Variants in ARHGAP27 observed in about 807,000 individuals in gnomAD.
ARHGAP27 encodes rho GTPase-activating protein 27.
In ARHGAP27, 53 loss-of-function variants were observed where a neutral mutation model predicts 102.0. The observed-to-expected ratio is 0.52, with a 90% CI of 0.42 to 0.65. The LOEUF (loss-of-function observed/expected upper bound fraction) is 0.65. ARHGAP27 is among the 30% of genes least tolerant of loss of function. ARHGAP27 has a pLI of 0.00. For synonymous variants in ARHGAP27, 525 were observed against 542.8 expected (o/e 0.97, Z 0.46); for missense variants, 1,117 against 1,256.2 (o/e 0.89, Z 1.68).
In ARHGAP27 at chr17:45,429,585, C is replaced by T. The variant is rs1450117737; in HGVS notation, c.657+38G>A. On this transcript the variant is annotated intron_variant, in intron 4 of 19. Coordinates refer to ENST00000685559, the MANE Select transcript of ARHGAP27 (RefSeq NM_001282290.2). ...CTCCGTGCGGGCGCGGTCCCTAGCGCGCCACCCGCCTCCGCGCCCCAGCGC... is the reference window on the plus strand; with the variant it reads ...CTCCGTGCGGGCGCGGTCCCTAGCGTGCCACCCGCCTCCGCGCCCCAGCGC... The T allele has an allele frequency of 3.2e-5, 51 of 1,576,166 alleles. No individual in the cohort carries two copies. Among genetic ancestry groups the T allele is most frequent in the Non-Finnish European group, 4.2e-5 (49 of 1,163,336 alleles).
rs773861287 is a variant in ARHGAP27 at position 45,396,930 on chromosome 17, G to T, written c.1937C>A (p.Ala646Glu). The T allele has an allele frequency of 6.2e-7, 1 of 1,606,312 alleles. No homozygotes were observed. Residue 646 changes from alanine to glutamate, a missense_variant, in exon 14 of 20, where the codon GCG (alanine) becomes GAG (glutamate). Coordinates refer to ENST00000685559, the MANE Select transcript of ARHGAP27 (RefSeq NM_001282290.2). Reference protein sequence around the residue: ...LGSWQEKEEDARPNAAAPALG... With the variant: ...LGSWQEKEEDERPNAAAPALG... ...CTTGCGCACACCTGCATTCGGTCGC[G>T]CGTCCTCCTCTTTCTCCTGCCAGCT...
At chr17:45,410,533 C>T (rs994582300) in intron 4 of ARHGAP27, 4 of 901,932 alleles carry the variant, frequency 4.4e-6, no homozygotes, top group Non-Finnish European at 6.1e-6. Context: ...CTGGCTGCCC[C>T]ACTCAGTGCT....
At chr17:45,396,457 C>G in intron 16 of ARHGAP27, 30 bp downstream of exon 16, 1 of 1,503,904 alleles carries the variant, frequency 6.6e-7, no homozygotes, top group Non-Finnish European at 8.8e-7. Flanking sequence ...ACCCCAATGC[C>G]TGCCGCCCTC....
At position 45,429,953 on chromosome 17, in the gene ARHGAP27, G is replaced by T; in HGVS notation, c.327C>A (p.Ala109=). The T allele has an allele frequency of 8.8e-7, 1 of 1,131,360 alleles. No individual in the cohort carries two copies. Among genetic ancestry groups the T allele is most frequent in the Non-Finnish European group, 1.1e-6 (1 of 925,478 alleles). The allele number at this position is 1,131,360 out of a possible 1,614,324, so 70.1% of individuals were successfully genotyped here. A position where few individuals can be genotyped will look rare whatever the true frequency, so the allele number is the denominator to read the frequency against. Residue 109 remains alanine, a synonymous_variant, in exon 4 of 20, where the codon GCC becomes GCA. Transcript: ENST00000685559. The part of the protein sequence containing the change: ...SAAATAGPDG[A]PEESGGRASS... ...TGGCTCGGCCTCCGGACTCCTCGGG[G>T]GCGCCGTCGGGGCCCGCGGTCGCCG...
At position 45,404,064 on chromosome 17, in the gene ARHGAP27, A is replaced by G. The variant is rs765625234; in HGVS notation, c.1512T>C (p.His504=). The G allele has an allele frequency of 6.2e-7, 1 of 1,613,990 alleles. No homozygotes were observed. Among genetic ancestry groups the G allele is most frequent in the African/African-American group, 1.3e-5 (1 of 74,890 alleles). Residue 504 remains histidine (H), a synonymous_variant, in exon 10 of 20, where the codon CAT becomes CAC. Transcript: ENST00000685559. ...TTCCCTTGTCTGCCGTCTTGGTGCG[A>G]TGGAGCACCCCTGCCTTGTCCAAGG... is the stretch of plus-strand genomic sequence containing the variant. ...TKTLDKAGVL[H]RTKTADKGKR...
Position 45,395,389 on chromosome 17 carries a change from T to A in ARHGAP27, c.*67A>T, listed in dbSNP as rs1597745991. 6.7e-7 allele frequency: 1 copy of A among 1,494,476 alleles called. No individual in the cohort carries two copies. Among genetic ancestry groups the A allele is most frequent in the East Asian group, 2.5e-5 (1 of 40,440 alleles). 92.6% of individuals were successfully genotyped at this position (1,494,476 alleles called of 1,614,324 possible). ...GGTCCCAGAGAGAAGAAGGCCCGGC[T>A]GCGTGGCCTCCGCCGCCCAGCTTGT... is the stretch of plus-strand genomic sequence containing the variant. On this transcript the variant is annotated 3_prime_UTR_variant, in exon 20 of 20. Transcript: ENST00000685559.
At chr17:45,422,508 C>CA (rs925291316) in intron 4 of ARHGAP27, among the ~76,000 whole-genome samples, 3 of 150,692 alleles carry the variant, frequency 2.0e-5, no homozygotes, top group African/African-American at 4.9e-5. Context: ...TAAGCAAGTA[C>CA]AAAAAAAAGA....
intron 4 of ARHGAP27, among the ~76,000 whole-genome samples, chr17:45,423,264 G>T (rs371646502): frequency 6.6e-6 from 1 of 152,136 alleles, no homozygotes. Context: ...TGGTCACAAA[G>T]AAATTCATAA....
rs1243643081 is a variant in ARHGAP27, at chr17:45,431,708, C to T, written c.-106G>A. On this transcript the variant is annotated 5_prime_UTR_variant, in exon 3 of 20. Coordinates refer to ENST00000685559, the MANE Select transcript of ARHGAP27 (RefSeq NM_001282290.2). The stretch of plus-strand genomic sequence containing the variant: ...GTTAGGCCCCTACCATCGCCCTGGG[C>T]GGGGTTTCCAGGGGCGAGGCCGGAG... The T allele has an allele frequency of 2.4e-5, 4 of 168,398 alleles. No homozygotes were observed. The highest frequency in any genetic ancestry group is 6.5e-5 in the Admixed American group (1 of 15,484). 10.4% of individuals were successfully genotyped at this position (168,398 alleles called of 1,614,324 possible).
intron 4 of ARHGAP27, among the ~76,000 whole-genome samples, chr17:45,426,695 C>A (rs1195959855): frequency 1.3e-5 from 2 of 152,064 alleles, no homozygotes; most frequent in Non-Finnish European, 2.9e-5. Context: ...CCTGCCCACC[C>A]ACCTGAGCCT....
intron 4 of ARHGAP27, chr17:45,429,302 C>T: frequency 5.7e-6 from 5 of 873,976 alleles, no homozygotes; most frequent in South Asian, 2.4e-5. Flanking sequence ...TGCAGCGAAA[C>T]ATGAATATTC....
intron 12 of ARHGAP27, among the ~76,000 whole-genome samples, chr17:45,399,339 T>A (rs1304827689): frequency 6.6e-6 from 1 of 152,138 alleles, no homozygotes; most frequent in African/African-American, 2.4e-5. Context: ...ATGCCTGTAA[T>A]CCCAGCACTT....
At chr17:45,410,967 T>C in intron 4 of ARHGAP27, among the ~76,000 whole-genome samples, 1 of 152,092 alleles carries the variant, frequency 6.6e-6, no homozygotes, top group East Asian at 1.9e-4. Flanking sequence ...CCTGACCACC[T>C]GGGTCTGTCT....
At chr17:45,429,428 A>C in intron 4 of ARHGAP27, 195 bp downstream of exon 4, 1 of 1,404,764 alleles carries the variant, frequency 7.1e-7, no homozygotes, top group Non-Finnish European at 9.2e-7. Flanking sequence ...GAGCTTGGGA[A>C]TTGCTGATGA....
chr17:45,430,434 T>G lies in ARHGAP27; in HGVS notation c.-18-137A>C. ...CTTCGGGCCTCAGTTTTCCCATCTC[T>G]AAAATGGGAACTTGCATAAAATCAC... On this transcript the variant is annotated intron_variant, in intron 3 of 19. Coordinates refer to ENST00000685559, the MANE Select transcript of ARHGAP27 (RefSeq NM_001282290.2). This position sits in a 1 kb window ranked among gnomAD's most constrained non-coding sequence, Gnocchi z 4.4. 1 of 1,272,982 alleles carries G rather than the reference T, an allele frequency of 7.9e-7. No individual in the cohort carries two copies. Among genetic ancestry groups the G allele is most frequent in the Non-Finnish European group, 1.1e-6 (1 of 951,784 alleles). 78.9% of individuals were successfully genotyped at this position (1,272,982 alleles called of 1,614,324 possible).
chr17:45,408,273 C>A (rs1162409811), intron 4 of ARHGAP27: 1 of 152,200 alleles, frequency 6.6e-6, no homozygotes. Context: ...ACGGGGAATA[C>A]AGCAGGGAAG....
intron 4 of ARHGAP27, chr17:45,410,202 C>T (rs1279267670): frequency 2.0e-5 from 31 of 1,532,740 alleles, no homozygotes; most frequent in South Asian, 6.0e-5. Context: ...AGAGGCCCAC[C>T]GGGCACCCCT....
At chr17:45,395,870 A>T (rs1346514636) in intron 18 of ARHGAP27, 21 bp from the exon 19 acceptor site, 6 of 1,592,234 alleles carry the variant, frequency 3.8e-6, no homozygotes, top group Admixed American at 3.5e-5. Context: ...GAAGGTTTAG[A>T]GGGAGGGAGT....
chr17:45,410,466 G>A (rs576487680), intron 4 of ARHGAP27: 18 of 1,348,120 alleles, frequency 1.3e-5, no homozygotes, highest in East Asian at 3.1e-5. Context: ...CTGAGTTGGG[G>A]CGGGTGGGGT....
Sources: allele counts gnomAD v4.1 joint callset (sites outside exome capture counted in the v4.1 genomes callset), GRCh38; gene constraint gnomAD v4.1.1; non-coding constraint Gnocchi (gnomAD v3.1); transcripts MANE v1.5; gene names NCBI Gene and HGNC (gene_info 2026-07-23, HGNC 2026-07-21).